The following VWF variants were observed in gnomAD, a reference collection of about 807,000 sequenced individuals.
The protein encoded by VWF is Factor VIII related antigen.
A neutral mutation model predicts 308.6 loss-of-function variants in VWF; 176 were observed. The observed-to-expected ratio is 0.57, with a 90% CI of 0.50 to 0.65. VWF has a LOEUF of 0.65. Among genes scored for constraint, VWF ranks in the 30% least tolerant of loss-of-function variants. The pLI is 0.00. For missense variants in VWF, 3,146 were observed against 3,648.2 expected (o/e 0.86, Z 3.55); for synonymous variants, 1,385 against 1,443.4 (o/e 0.96, Z 0.92).
chr12:5,970,158 C>T (rs60982029), intron 44 of VWF, among the ~76,000 whole-genome samples: 21,451 of 152,132 alleles, frequency 0.14, 1,656 homozygotes, highest in African/African-American at 0.16. Context: ...CAAATCTTCC[C>T]ACTGCAGGCC....
chr12:6,065,283 C>G lies in VWF; in HGVS notation c.1157-10G>C, dbSNP rs2136463129. On this transcript the variant is annotated splice_polypyrimidine_tract_variant and intron_variant, in intron 10 of 51. Coordinates refer to ENST00000261405, the MANE Select transcript of VWF (RefSeq NM_000552.5). ...GTGACAAGGCACTCCCCTGGAGAGACACAGAGGAAGGGAGAAGAATGGGAG... is the reference window on the plus strand; with the variant it reads ...GTGACAAGGCACTCCCCTGGAGAGAGACAGAGGAAGGGAGAAGAATGGGAG... The G allele has an allele frequency of 6.2e-7, 1 of 1,614,022 alleles. No homozygotes were observed. The highest frequency in any genetic ancestry group is 1.1e-5 in the South Asian group (1 of 91,038).
rs564843846 is a variant in VWF at position 6,090,060 on chromosome 12, C to T, written c.657+5400G>A. On this transcript the variant is annotated intron_variant, in intron 6 of 51. Transcript: ENST00000261405. ...GCAAGCTCTGCCTCCCAGGTTCATG[C>T]CATTCTCCTGCCTCAGCCTCCCGAG... Among the ~76,000 whole-genome samples the T allele has an allele frequency of 1.3e-4, 20 of 152,232 alleles. No individual in the cohort carries two copies. In the South Asian group the frequency reaches 3.9e-3, roughly 30 times the overall value.
chr12:6,109,952 G>C (rs113752460), intron 5 of VWF, among the ~76,000 whole-genome samples: 2 of 152,106 alleles, frequency 1.3e-5, no homozygotes, highest in Admixed American at 6.6e-5. Context: ...GCCCAGCCTA[G>C]TGTTTTCACA....
chr12:6,019,311 G>C lies in VWF; in HGVS notation c.4107C>G (p.Phe1369Leu). The C allele has an allele frequency of 6.2e-7, 1 of 1,613,942 alleles. No homozygotes were observed. Among genetic ancestry groups the C allele is most frequent in the East Asian group, 2.2e-5 (1 of 44,860 alleles). Residue 1369 changes from phenylalanine to leucine, a missense_variant, in exon 28 of 52, where the codon TTC (phenylalanine) becomes TTG (leucine). Transcript: ENST00000261405. This position sits in a 1 kb window ranked among gnomAD's most constrained non-coding sequence, Gnocchi z 5.8. ...AGGCTTCAGGGCGGTCGATCTTGCT[G>C]AAGATTTGGAACAGTGTGTATTTCA... ...EVLKYTLFQI[F>L]SKIDRPEASR...
chr12:6,108,266 C>A (rs566720804), intron 5 of VWF, among the ~76,000 whole-genome samples: 1 of 148,040 alleles, frequency 6.8e-6, no homozygotes, highest in South Asian at 2.1e-4. Flanking sequence ...TGCAATCCGG[C>A]CTGGGTGACA....
chr12:6,047,990 G>A (rs1944465333), intron 16 of VWF, among the ~76,000 whole-genome samples: 1 of 152,234 alleles, frequency 6.6e-6, no homozygotes, highest in Non-Finnish European at 1.5e-5. Flanking sequence ...ACCTGCACAT[G>A]ATGTGCCAAG....
chr12:6,085,452 T>C (rs1156611593), intron 6 of VWF, among the ~76,000 whole-genome samples: 1 of 152,206 alleles, frequency 6.6e-6, no homozygotes, highest in Non-Finnish European at 1.5e-5. Flanking sequence ...TCAGTGAATA[T>C]GCACTTATGG....
In VWF at chr12:5,964,011, T is replaced by G. The variant is rs545946211; in HGVS notation, c.7887+3475A>C. On this transcript the variant is annotated intron_variant, in intron 47 of 51. Coordinates refer to ENST00000261405, the MANE Select transcript of VWF (RefSeq NM_000552.5). ...TCACGAGGTCAGGAGATTGAGACCATTCTGGTTAACACGGTGAAACCCCGT... is the reference window on the plus strand; with the variant it reads ...TCACGAGGTCAGGAGATTGAGACCAGTCTGGTTAACACGGTGAAACCCCGT... 2.2e-4 allele frequency among the ~76,000 whole-genome samples: 33 copies of G among 151,448 alleles called. 1 individual carries two copies. Among genetic ancestry groups the G allele is most frequent in the South Asian group, 1.7e-3 (8 of 4,820 alleles).
At chr12:6,068,535 T>C (rs1944744323) in intron 10 of VWF, among the ~76,000 whole-genome samples, 1 of 152,094 alleles carries the variant, frequency 6.6e-6, no homozygotes. Flanking sequence ...AGTGGCGCCA[T>C]CTCGGCTCAC....
In VWF at chr12:6,058,125, T is replaced by TA. The variant is rs370498560; in HGVS notation, c.1534-82dup. On this transcript the variant is annotated intron_variant, in intron 13 of 51. Transcript: ENST00000261405. This position sits in a 1 kb window ranked among gnomAD's most constrained non-coding sequence, Gnocchi z 4.9. Reference sequence around the variant, plus strand: ...TGTTTAGCTAATGAGATGGTTTTAATAAAAAAAAAAAAGTTCCCCGGGTGA... The same window carrying TA: ...TGTTTAGCTAATGAGATGGTTTTAATAAAAAAAAAAAAAGTTCCCCGGGTGA... 41,337 of 1,096,094 alleles carry TA rather than the reference T, an allele frequency of 0.038. 2 individuals carry two copies. Among genetic ancestry groups the TA allele is most frequent in the South Asian group, 0.043 (2,372 of 55,736 alleles). 67.9% of individuals were successfully genotyped at this position (1,096,094 alleles called of 1,614,324 possible). A position where few individuals can be genotyped will look rare whatever the true frequency, so the allele number is the denominator to read the frequency against.
Position 5,968,173 on chromosome 12 carries a change from G to A in VWF, c.7730-6C>T. ...CATGCAGGCCTCCATGCGCTCTGGG[G>A]GAGAGAAAAGTGCAGAGTGAGAGTG... On this transcript the variant is annotated splice_polypyrimidine_tract_variant and splice_region_variant and intron_variant, in intron 45 of 51. Coordinates refer to ENST00000261405, the MANE Select transcript of VWF (RefSeq NM_000552.5). 1 of 1,614,028 alleles carries A rather than the reference G, an allele frequency of 6.2e-7. No homozygotes were observed. Among genetic ancestry groups the A allele is most frequent in the Non-Finnish European group, 8.5e-7 (1 of 1,179,982 alleles).
chr12:6,064,288 C>A lies in VWF; in HGVS notation c.1390G>T (p.Val464Phe). 5 of 1,614,156 alleles carry A rather than the reference C, an allele frequency of 3.1e-6. No individual in the cohort carries two copies. Among genetic ancestry groups the A allele is most frequent in the Non-Finnish European group, 4.2e-6 (5 of 1,180,036 alleles). ...TGGACGTCCTGGCCATCCATGGCAA[C>A]TCCTGCCCCATGCTTCAGTTTCACA... Reference protein sequence around the residue: ...SLVKLKHGAGVAMDGQDVQLP... With the variant: ...SLVKLKHGAGFAMDGQDVQLP... Residue 464 changes from valine (V) to phenylalanine (F), a missense_variant, in exon 12 of 52, where the codon GTT (valine) becomes TTT (phenylalanine). This residue lies in a region of VWF where 1,304 missense variants were observed against 1,353.0 expected (regional missense o/e 0.96). Coordinates refer to ENST00000261405, the MANE Select transcript of VWF (RefSeq NM_000552.5).
At chr12:6,086,435 G>A (rs1407707848) in intron 6 of VWF, among the ~76,000 whole-genome samples, 1 of 152,100 alleles carries the variant, frequency 6.6e-6, no homozygotes, top group African/African-American at 2.4e-5. Flanking sequence ...TAACTTCTCT[G>A]GGATCCTGCA....
intron 21 of VWF, among the ~76,000 whole-genome samples, chr12:6,030,400 C>T (rs1294400689): frequency 6.6e-6 from 1 of 152,186 alleles, no homozygotes; most frequent in Non-Finnish European, 1.5e-5. Context: ...CCATCCCCTG[C>T]TGTCAATGGT....
At chr12:6,025,417 G>C (rs867039981) in intron 24 of VWF, among the ~76,000 whole-genome samples, 163 bp downstream of exon 24, 18 of 152,194 alleles carry the variant, frequency 1.2e-4, no homozygotes, top group African/African-American at 4.1e-4. Context: ...TTTACTTTTT[G>C]TTTCCCAGAT....
intron 22 of VWF, among the ~76,000 whole-genome samples, chr12:6,027,595 G>A (rs1332641827): frequency 6.6e-6 from 1 of 152,144 alleles, no homozygotes; most frequent in Non-Finnish European, 1.5e-5. Flanking sequence ...GAGAAAAAAA[G>A]TAGAAGATGC....
At chr12:5,961,611 TTAC>T (rs1943317785) in intron 47 of VWF, among the ~76,000 whole-genome samples, 1 of 147,996 alleles carries the variant, frequency 6.8e-6, no homozygotes, top group African/African-American at 2.5e-5. Context: ...AAAAACACTA[TTAC>T]TACAACTAAT....
In VWF at chr12:6,060,330, C is replaced by A. The variant is rs1944639709; in HGVS notation, c.1534-2286G>T. On this transcript the variant is annotated intron_variant, in intron 13 of 51. Coordinates refer to ENST00000261405, the MANE Select transcript of VWF (RefSeq NM_000552.5). This position sits in a 1 kb window ranked among gnomAD's most constrained non-coding sequence, Gnocchi z 5.1. ...GGCTGGAGCCTTGCTGCCTGGACCG[C>A]CAGCCCCACGGGGACAAAGCGTACA... Among the ~76,000 whole-genome samples, 1 of 152,114 alleles carries A rather than the reference C, an allele frequency of 6.6e-6. No homozygotes were observed. Among genetic ancestry groups the A allele is most frequent in the African/African-American group, 2.4e-5 (1 of 41,424 alleles).
chr12:5,995,109 G>A (rs1284750268), intron 35 of VWF, among the ~76,000 whole-genome samples: 1 of 151,972 alleles, frequency 6.6e-6, no homozygotes, highest in Non-Finnish European at 1.5e-5. Flanking sequence ...CATTGTATGT[G>A]TGGCCCAAGA....
Sources: gnomAD v4.1 joint callset for allele counts (sites outside exome capture counted in the v4.1 genomes callset) on GRCh38, gnomAD v4.1.1 for gene constraint, gnomAD v4.1.1 regional missense constraint, Gnocchi (gnomAD v3.1) non-coding constraint, MANE v1.5 for transcripts, NCBI Gene and HGNC (gene_info 2026-07-23, HGNC 2026-07-21) for gene names.